Variants in RCSD1 observed in about 807,000 individuals in gnomAD.
RCSD1 encodes the protein capZ-interacting protein.
In RCSD1, 26 loss-of-function variants were observed where a neutral mutation model predicts 42.5. The observed-to-expected ratio is 0.61, with a 90% CI of 0.45 to 0.85. The LOEUF is 0.85. Ranked by LOEUF, RCSD1 falls within the 40% of genes least tolerant of loss-of-function variation. RCSD1 has a pLI of 0.00. For missense variants in RCSD1, 571 were observed against 528.3 expected, an observed-to-expected ratio of 1.08 and a Z score of -0.79; for synonymous variants, 220 against 212.2, an observed-to-expected ratio of 1.04 and a Z score of -0.32.
At chr1:167,639,180 G>A (rs1203823863) in intron 1 of RCSD1, among the ~76,000 whole-genome samples, 5 of 152,164 alleles carry the variant, frequency 3.3e-5, no homozygotes, top group Non-Finnish European at 5.9e-5. Context: ...TCACGCCACT[G>A]CACTCCAGCC....
chr1:167,661,111 A>G (rs1458067745), intron 1 of RCSD1, among the ~76,000 whole-genome samples: 1 of 152,270 alleles, frequency 6.6e-6, no homozygotes, highest in African/African-American at 2.4e-5. Flanking sequence ...GGAATAATAC[A>G]TATTGGGATT....
intron 5 of RCSD1, among the ~76,000 whole-genome samples, chr1:167,696,883 A>C (rs904768083): frequency 6.6e-6 from 1 of 152,222 alleles, no homozygotes; most frequent in African/African-American, 2.4e-5. Context: ...CATCTTCACA[A>C]AATAAAAGTC....
intron 5 of RCSD1, among the ~76,000 whole-genome samples, chr1:167,695,744 C>A (rs1484974792): frequency 6.6e-6 from 1 of 151,964 alleles, no homozygotes; most frequent in Non-Finnish European, 1.5e-5. Flanking sequence ...GCTCCTGCAG[C>A]TTCTGGGCTC....
chr1:167,659,366 T>C (rs137937325), intron 1 of RCSD1, among the ~76,000 whole-genome samples: 1,735 of 152,342 alleles, frequency 0.011, 10 homozygotes, highest in Middle Eastern at 0.031. Flanking sequence ...TATTTCTATA[T>C]GTAAATAAGT....
At chr1:167,648,621 C>T (rs61499410) in intron 1 of RCSD1, among the ~76,000 whole-genome samples, 2,774 of 152,256 alleles carry the variant, frequency 0.018, 80 homozygotes, top group African/African-American at 0.063. Context: ...GTGTGGACCC[C>T]CTGGAAATGA....
Position 167,708,517 on chromosome 1 carries a change from T to C in RCSD1, c.*3821T>C, listed in dbSNP as rs1659812669. On this transcript the variant is annotated 3_prime_UTR_variant, in exon 7 of 7. Coordinates refer to ENST00000367854, the MANE Select transcript of RCSD1 (RefSeq NM_052862.4). ...ACAAAATCCAAATGCTCACATAAAA[T>C]GGGATTAGGTTTCATAAGCCACCCA... 6.6e-6 allele frequency among the ~76,000 whole-genome samples: 1 copy of C among 152,210 alleles called. No individual in the cohort carries two copies.
At chr1:167,665,889 G>A (rs1055429130) in intron 1 of RCSD1, among the ~76,000 whole-genome samples, 8 of 151,616 alleles carry the variant, frequency 5.3e-5, no homozygotes, top group Non-Finnish European at 1.2e-4. Flanking sequence ...TCCACTCACT[G>A]CAACCTCTGC....
At chr1:167,638,799 T>G (rs1457348271) in intron 1 of RCSD1, among the ~76,000 whole-genome samples, 2 of 152,246 alleles carry the variant, frequency 1.3e-5, no homozygotes, top group African/African-American at 2.4e-5. Context: ...CTTTGGAGTT[T>G]TGAGAGCAAG....
intron 1 of RCSD1, among the ~76,000 whole-genome samples, chr1:167,645,586 A>G (rs1048620485): frequency 6.6e-6 from 1 of 152,224 alleles, no homozygotes; most frequent in African/African-American, 2.4e-5. Context: ...CAGAGTGGCC[A>G]CCAAAAACTA....
At chr1:167,660,929 C>T (rs1412642673) in intron 1 of RCSD1, among the ~76,000 whole-genome samples, 1 of 152,166 alleles carries the variant, frequency 6.6e-6, no homozygotes, top group African/African-American at 2.4e-5. Context: ...CCTTTGGCCT[C>T]CACCAAAATG....
chr1:167,672,042 A>G (rs147601613), intron 1 of RCSD1, among the ~76,000 whole-genome samples: 3,984 of 152,182 alleles, frequency 0.026, 61 homozygotes, highest in Middle Eastern at 0.048. Flanking sequence ...GTCCTTCTGC[A>G]ATCATAGCAC....
rs748883141 is a variant in RCSD1 at position 167,704,715 on chromosome 1, C to A, written c.*19C>A. ...AATGTGAAGAACAGCTCATTGTGCC[C>A]CAGTGATGAAGTTGCTGGACACATC... On this transcript the variant is annotated 3_prime_UTR_variant, in exon 7 of 7. Coordinates refer to ENST00000367854, the MANE Select transcript of RCSD1 (RefSeq NM_052862.4). 4 of 1,611,264 alleles carry A rather than the reference C, an allele frequency of 2.5e-6. No homozygotes were observed. In the South Asian group the frequency reaches 4.4e-5, roughly 18 times the overall value.
At chr1:167,647,546 C>A (rs1454075933) in intron 1 of RCSD1, among the ~76,000 whole-genome samples, 1 of 151,764 alleles carries the variant, frequency 6.6e-6, no homozygotes, top group Non-Finnish European at 1.5e-5. Context: ...CATAGTGAGA[C>A]CTCATCTCTA....
At chr1:167,688,937 T>C (rs918743238) in intron 3 of RCSD1, among the ~76,000 whole-genome samples, 1 of 152,162 alleles carries the variant, frequency 6.6e-6, no homozygotes, top group African/African-American at 2.4e-5. Context: ...CTGTCACCAT[T>C]CTCACATGTT....
At chr1:167,648,329 G>A (rs1172098965) in intron 1 of RCSD1, among the ~76,000 whole-genome samples, 2 of 152,320 alleles carry the variant, frequency 1.3e-5, no homozygotes, top group Non-Finnish European at 1.5e-5. Flanking sequence ...TTCTCTGGAA[G>A]CAATTCCCAG....
intron 3 of RCSD1, among the ~76,000 whole-genome samples, chr1:167,688,182 T>C (rs778385892): frequency 6.6e-5 from 10 of 152,192 alleles, no homozygotes; most frequent in African/African-American, 7.2e-5. Flanking sequence ...TAGGGTTTTA[T>C]GGAGCATCAG....
intron 6 of RCSD1, among the ~76,000 whole-genome samples, chr1:167,701,252 G>GTTCCTTTCTTTC (rs1553252221): frequency 1.0e-5 from 1 of 96,072 alleles, no homozygotes; most frequent in African/African-American, 3.7e-5. Context: ...CAATTGCCTA[G>GTTCCTTTCTTTC]TTTCTTTCTT....
At chr1:167,674,968 A>T (rs1471588446) in intron 1 of RCSD1, among the ~76,000 whole-genome samples, 5 of 152,138 alleles carry the variant, frequency 3.3e-5, no homozygotes, top group African/African-American at 9.7e-5. Context: ...GCACTTTGGG[A>T]GGCTGAGGTG....
intron 1 of RCSD1, among the ~76,000 whole-genome samples, chr1:167,646,195 T>C (rs1658141023): frequency 6.6e-6 from 1 of 152,132 alleles, no homozygotes; most frequent in African/African-American, 2.4e-5. Context: ...TGAGTTTTGG[T>C]TGAGGCATTG....
Sources: gnomAD v4.1 joint callset for allele counts (sites outside exome capture counted in the v4.1 genomes callset) on GRCh38, gnomAD v4.1.1 for gene constraint, MANE v1.5 for transcripts, NCBI Gene and HGNC (gene_info 2026-07-23, HGNC 2026-07-21) for gene names.